CDH4: variants seen among roughly 807,000 people sequenced by gnomAD.
CDH4 encodes cadherin 4, also known as cadherin-4.
CDH4 carries 33 observed loss-of-function variants against 86.0 expected under a neutral mutation model. The observed-to-expected ratio is 0.38, with a 90% CI of 0.29 to 0.51. The LOEUF (loss-of-function observed/expected upper bound fraction) is 0.51. Ranked by LOEUF, CDH4 falls within the 20% of genes least tolerant of loss-of-function variation. CDH4 has a pLI of 0.86. For missense variants in CDH4, 1,114 were observed against 1,307.4 expected, an observed-to-expected ratio of 0.85 and a Z score of 2.28; for synonymous variants, 555 against 549.4, an observed-to-expected ratio of 1.01 and a Z score of -0.14.
intron 2 of CDH4, among the ~76,000 whole-genome samples, chr20:61,606,249 G>A (rs922531371): frequency 3.3e-5 from 5 of 152,196 alleles, no homozygotes; most frequent in Non-Finnish European, 7.4e-5. Context: ...CGGCCATTCC[G>A]ATAAGCACCA....
chr20:61,899,075 T>A (rs1252724937), intron 8 of CDH4, among the ~76,000 whole-genome samples: 1 of 151,996 alleles, frequency 6.6e-6, no homozygotes, highest in Non-Finnish European at 1.5e-5. Flanking sequence ...GGTGGGTGGA[T>A]CACGAGGTCC....
intron 4 of CDH4, among the ~76,000 whole-genome samples, chr20:61,774,045 A>G (rs1258159946): frequency 6.6e-6 from 1 of 152,074 alleles, no homozygotes; most frequent in African/African-American, 2.4e-5. Context: ...AGCCAAAATG[A>G]CCGGTTATTT....
chr20:61,399,619 T>C (rs1444014030), intron 2 of CDH4, among the ~76,000 whole-genome samples: 1 of 152,190 alleles, frequency 6.6e-6, no homozygotes, highest in Non-Finnish European at 1.5e-5. Context: ...CCTATCCGGT[T>C]GGTCTATGGT....
intron 2 of CDH4, among the ~76,000 whole-genome samples, chr20:61,649,764 A>C (rs1051509417): frequency 2.6e-5 from 4 of 152,184 alleles, no homozygotes; most frequent in African/African-American, 9.7e-5. Flanking sequence ...GCGGGCCGTG[A>C]GCAGGTCTGT....
chr20:61,513,650 A>C (rs2085796542), intron 2 of CDH4, among the ~76,000 whole-genome samples: 1 of 152,188 alleles, frequency 6.6e-6, no homozygotes, highest in Non-Finnish European at 1.5e-5. Context: ...ACCTCTGAAA[A>C]TTGACCAGTT....
chr20:61,901,222 T>G (rs111721261), intron 8 of CDH4, among the ~76,000 whole-genome samples: 25 of 132,494 alleles, frequency 1.9e-4, no homozygotes, highest in East Asian at 6.6e-4. Flanking sequence ...GCAGGAGGAG[T>G]AGGGGCAGGG....
intron 2 of CDH4, among the ~76,000 whole-genome samples, chr20:61,485,587 G>A (rs1321925606): frequency 6.6e-6 from 1 of 152,222 alleles, no homozygotes; most frequent in Non-Finnish European, 1.5e-5. Context: ...CCCAAGGATT[G>A]CAGGGTACTG....
chr20:61,863,231 A>G (rs975599036), intron 6 of CDH4, among the ~76,000 whole-genome samples: 2 of 152,248 alleles, frequency 1.3e-5, no homozygotes, highest in Non-Finnish European at 2.9e-5. Flanking sequence ...CACGATCCGT[A>G]AGGAGGTGTC....
chr20:61,690,500 G>A (rs1258217756), intron 2 of CDH4, among the ~76,000 whole-genome samples: 2 of 152,104 alleles, frequency 1.3e-5, no homozygotes, highest in African/African-American at 2.4e-5. Flanking sequence ...CAAGGAAGGA[G>A]TGTGGACCCA....
chr20:61,872,825 C>G (rs1983865779), intron 6 of CDH4, among the ~76,000 whole-genome samples: 3 of 152,240 alleles, frequency 2.0e-5, no homozygotes, highest in Non-Finnish European at 4.4e-5. Flanking sequence ...GGGGCCTCCA[C>G]CGGGTACAGC....
chr20:61,829,085 C>A lies in CDH4; in HGVS notation c.577-15583C>A, dbSNP rs1472637881. Among the ~76,000 whole-genome samples, 1 of 152,236 alleles carries A rather than the reference C, an allele frequency of 6.6e-6. No individual in the cohort carries two copies. Among genetic ancestry groups the A allele is most frequent in the Non-Finnish European group, 1.5e-5 (1 of 68,046 alleles). The stretch of plus-strand genomic sequence containing the variant: ...GTCATGCTCGCCCGGCCACCACTCA[C>A]CTCCAGCTGTGCGGCCCAGTTCCTA... On this transcript the variant is annotated intron_variant, in intron 4 of 15. Coordinates refer to ENST00000614565, the MANE Select transcript of CDH4 (RefSeq NM_001794.5). The surrounding 1 kb of genome is among the most constrained non-coding windows in gnomAD (Gnocchi z 4.2).
Position 61,708,368 on chromosome 20 carries a change from C to A in CDH4, c.170-35195C>A, listed in dbSNP as rs1239453120. ...CTGCCTCCTAACTGGGTTGGGGCAC[C>A]ACCCTCCACTCTCCACGTTGGCTGC... is the stretch of plus-strand genomic sequence containing the variant. On this transcript the variant is annotated intron_variant, in intron 2 of 15. Transcript: ENST00000614565. This position sits in a 1 kb window ranked among gnomAD's most constrained non-coding sequence, Gnocchi z 4.5. 2.0e-5 allele frequency among the ~76,000 whole-genome samples: 3 copies of A among 151,970 alleles called. No homozygotes were observed. In the East Asian group the frequency reaches 5.8e-4, roughly 30 times the overall value.
At chr20:61,358,126 A>G (rs565939858) in intron 2 of CDH4, among the ~76,000 whole-genome samples, 1 of 152,234 alleles carries the variant, frequency 6.6e-6, no homozygotes, top group South Asian at 2.1e-4. Context: ...CTGCCTGGAT[A>G]TGGGTACTTT....
Position 61,847,125 on chromosome 20 carries a change from T to C in CDH4, c.732+2302T>C, listed in dbSNP as rs146110412. Among the ~76,000 whole-genome samples, 1,432 of 152,290 alleles carry C rather than the reference T, an allele frequency of 9.4e-3. 8 individuals are homozygous for C. The highest frequency in any genetic ancestry group is 0.016 in the Non-Finnish European group (1,104 of 67,998). On this transcript the variant is annotated intron_variant, in intron 5 of 15. Transcript: ENST00000614565. ...CTCAGAGCTGGCCCTCCCTGCATCATCCCCAATGAGCTGTTTCTCCTCCAT... is the reference window on the plus strand; with the variant it reads ...CTCAGAGCTGGCCCTCCCTGCATCACCCCCAATGAGCTGTTTCTCCTCCAT...
At chr20:61,665,589 G>A (rs57868457) in intron 2 of CDH4, among the ~76,000 whole-genome samples, 30,655 of 152,104 alleles carry the variant, frequency 0.2, 3,286 homozygotes, top group South Asian at 0.27. Context: ...TGAAGCTCAC[G>A]TCCCAGGCGG....
chr20:61,408,026 T>C (rs2085093586), intron 2 of CDH4, among the ~76,000 whole-genome samples: 1 of 152,210 alleles, frequency 6.6e-6, no homozygotes, highest in Non-Finnish European at 1.5e-5. Context: ...CAGCAGGTCC[T>C]GCTTTTCCTG....
At chr20:61,627,702 C>G (rs2086842302) in intron 2 of CDH4, among the ~76,000 whole-genome samples, 1 of 152,026 alleles carries the variant, frequency 6.6e-6, no homozygotes, top group Non-Finnish European at 1.5e-5. Flanking sequence ...CTCCCGCCCC[C>G]CGACTCGACT....
chr20:61,445,689 T>C (rs1057439666), intron 2 of CDH4, among the ~76,000 whole-genome samples: 18 of 152,208 alleles, frequency 1.2e-4, no homozygotes, highest in African/African-American at 4.1e-4. Flanking sequence ...ACCGGGTTTG[T>C]GTTATATTTC....
chr20:61,397,989 G>A (rs1051463500), intron 2 of CDH4, among the ~76,000 whole-genome samples: 1 of 152,176 alleles, frequency 6.6e-6, no homozygotes, highest in African/African-American at 2.4e-5. Flanking sequence ...AAGGCTGACC[G>A]CATGCCGAGC....
Sources: gnomAD v4.1 joint callset for allele counts (sites outside exome capture counted in the v4.1 genomes callset) on GRCh38, gnomAD v4.1.1 for gene constraint, Gnocchi (gnomAD v3.1) non-coding constraint, MANE v1.5 for transcripts, NCBI Gene and HGNC (gene_info 2026-07-23, HGNC 2026-07-21) for gene names.